Variants in UNC5D observed in about 807,000 individuals in gnomAD.
The protein encoded by UNC5D is unc-5 netrin receptor D, also known as netrin receptor UNC5D.
In UNC5D, 39 loss-of-function variants were observed where a neutral mutation model predicts 105.4. The observed-to-expected ratio is 0.37, with a 90% CI of 0.29 to 0.48. UNC5D has a LOEUF of 0.48. Ranked by LOEUF, UNC5D falls within the 20% of genes least tolerant of loss-of-function variation. UNC5D has a pLI of 0.98. For synonymous variants in UNC5D, 452 were observed against 450.4 expected (o/e 1.00, Z -0.04); for missense variants, 991 against 1,202.4 (o/e 0.82, Z 2.60).
At chr8:35,413,291 G>GT (rs752744931) in intron 1 of UNC5D, among the ~76,000 whole-genome samples, 1 of 6,694 alleles carries the variant, frequency 1.5e-4, no homozygotes, top group Non-Finnish European at 7.1e-4. Context: ...GTGTGTGTGT[G>GT]TTGTGTGTGT....
At chr8:35,415,570 G>C (rs1304024358) in intron 1 of UNC5D, among the ~76,000 whole-genome samples, 1 of 151,912 alleles carries the variant, frequency 6.6e-6, no homozygotes, top group Non-Finnish European at 1.5e-5. Flanking sequence ...CTTTCATCAA[G>C]GTAGCTCTAT....
intron 1 of UNC5D, among the ~76,000 whole-genome samples, chr8:35,315,326 G>C (rs1809206531): frequency 6.6e-6 from 1 of 152,078 alleles, no homozygotes; most frequent in African/African-American, 2.4e-5. Context: ...GGCAGGCTTG[G>C]GTCATCTTGG....
chr8:35,413,292 T>TGTGTGTGTTGTGTGTG (rs56157732), intron 1 of UNC5D, among the ~76,000 whole-genome samples: 22 of 128,042 alleles, frequency 1.7e-4, no homozygotes, highest in South Asian at 8.4e-4. Context: ...TGTGTGTGTG[T>TGTGTGTGTTGTGTGTG]TGTGTGTGTG....
At chr8:35,329,605 C>G (rs895322349) in intron 1 of UNC5D, among the ~76,000 whole-genome samples, 2 of 152,064 alleles carry the variant, frequency 1.3e-5, no homozygotes, top group African/African-American at 4.8e-5. Context: ...CCTCCTCTGA[C>G]TCCTTTCCAT....
At chr8:35,402,284 G>C (rs142145405) in intron 1 of UNC5D, among the ~76,000 whole-genome samples, 60 of 152,242 alleles carry the variant, frequency 3.9e-4, no homozygotes, top group African/African-American at 1.4e-3. Context: ...ACAGTTCAAC[G>C]TGGCTGGGGA....
At chr8:35,789,858 A>T (rs896297023) in intron 16 of UNC5D, among the ~76,000 whole-genome samples, 5 of 151,626 alleles carry the variant, frequency 3.3e-5, no homozygotes, top group Admixed American at 3.3e-4. Flanking sequence ...ACATAAACTA[A>T]TGAAATAGAG....
At chr8:35,548,175 C>G (rs1351506666) in intron 1 of UNC5D, among the ~76,000 whole-genome samples, 1 of 152,110 alleles carries the variant, frequency 6.6e-6, no homozygotes, top group Non-Finnish European at 1.5e-5. Flanking sequence ...CAGACTCACC[C>G]AGGAACAATA....
rs931883932 is a variant in UNC5D, at chr8:35,541,298, C to G, written c.104-7994C>G. 2.6e-5 allele frequency among the ~76,000 whole-genome samples: 4 copies of G among 152,272 alleles called. 1 individual carries two copies. The South Asian group carries it at 8.3e-4, about 32-fold the overall frequency. ...TATTGAACACGATGTGAACCATCGG[C>G]TTTAGGCACAATTTAAAATATGTCA... On this transcript the variant is annotated intron_variant, in intron 1 of 16. Transcript: ENST00000404895.
chr8:35,340,567 C>T (rs920821274), intron 1 of UNC5D, among the ~76,000 whole-genome samples: 2 of 152,158 alleles, frequency 1.3e-5, no homozygotes, highest in Non-Finnish European at 2.9e-5. Context: ...TTGCAACTTA[C>T]AGAAAAATCA....
chr8:35,788,545 G>T (rs1241360398), intron 16 of UNC5D, among the ~76,000 whole-genome samples: 2 of 152,106 alleles, frequency 1.3e-5, no homozygotes, highest in African/African-American at 4.8e-5. Context: ...ATCTTAAAAA[G>T]CACTGTAGGA....
intron 16 of UNC5D, among the ~76,000 whole-genome samples, chr8:35,779,578 C>A (rs1358733056): frequency 1.3e-5 from 2 of 152,122 alleles, no homozygotes; most frequent in Non-Finnish European, 2.9e-5. Flanking sequence ...CCTGCCTCAG[C>A]CTCCAGAGTA....
intron 1 of UNC5D, among the ~76,000 whole-genome samples, chr8:35,244,285 C>T (rs981463676): frequency 6.6e-6 from 1 of 152,094 alleles, no homozygotes; most frequent in Non-Finnish European, 1.5e-5. Flanking sequence ...AGGGCCTTTT[C>T]GATGATGTTA....
At chr8:35,753,631 C>T (rs917478868) in intron 13 of UNC5D, among the ~76,000 whole-genome samples, 2 of 152,172 alleles carry the variant, frequency 1.3e-5, no homozygotes, top group African/African-American at 4.8e-5. Context: ...CCTTTGACCC[C>T]ATTTGTCCTA....
chr8:35,356,969 T>C (rs1801591707), intron 1 of UNC5D, among the ~76,000 whole-genome samples: 1 of 152,100 alleles, frequency 6.6e-6, no homozygotes, highest in South Asian at 2.1e-4. Context: ...AAAATATAAA[T>C]TTTTTTATTT....
chr8:35,595,136 G>C (rs1179690012), intron 3 of UNC5D, among the ~76,000 whole-genome samples: 5 of 152,190 alleles, frequency 3.3e-5, no homozygotes, highest in African/African-American at 7.2e-5. Context: ...AGAGGTTACA[G>C]ATTAATAATG....
intron 1 of UNC5D, among the ~76,000 whole-genome samples, chr8:35,524,629 C>T (rs1424552397): frequency 1.3e-5 from 1 of 74,544 alleles, no homozygotes; most frequent in Non-Finnish European, 2.7e-5. Flanking sequence ...TAATTCAAGC[C>T]ATGCCCTGTG....
intron 1 of UNC5D, among the ~76,000 whole-genome samples, chr8:35,317,623 C>A (rs538324961): frequency 2.0e-5 from 3 of 152,050 alleles, no homozygotes; most frequent in African/African-American, 4.8e-5. Context: ...ACATTCCTAT[C>A]GATCTGCGGT....
At chr8:35,292,991 G>A (rs1438182071) in intron 1 of UNC5D, among the ~76,000 whole-genome samples, 1 of 152,000 alleles carries the variant, frequency 6.6e-6, no homozygotes, top group Admixed American at 6.6e-5. Context: ...CCTGGCTGCT[G>A]TATTCTTACA....
intron 1 of UNC5D, among the ~76,000 whole-genome samples, chr8:35,250,313 C>G (rs1339853440): frequency 6.6e-6 from 1 of 151,894 alleles, no homozygotes; most frequent in African/African-American, 2.4e-5. Context: ...CAGGTTGTTC[C>G]CAATTTGGGA....
Sources: allele counts gnomAD v4.1 joint callset (sites outside exome capture counted in the v4.1 genomes callset), GRCh38; gene constraint gnomAD v4.1.1; transcripts MANE v1.5; gene names NCBI Gene and HGNC (gene_info 2026-07-23, HGNC 2026-07-21).